Variants in CDH23 observed in about 807,000 individuals in gnomAD.
CDH23 encodes cadherin related 23.
CDH23 carries 189 observed loss-of-function variants against 317.1 expected under a neutral mutation model. That is an observed-to-expected ratio of 0.60 (90% CI 0.53 to 0.67). The LOEUF is 0.67. Ranked by LOEUF, CDH23 falls within the 30% of genes least tolerant of loss-of-function variation. The pLI, the probability that CDH23 is intolerant of heterozygous loss-of-function variation, is 0.00. For synonymous variants in CDH23, 1,839 were observed against 1,876.8 expected (o/e 0.98, Z 0.52); for missense variants, 4,401 against 4,592.4 (o/e 0.96, Z 1.20).
intron 14 of CDH23, among the ~76,000 whole-genome samples, chr10:71,657,920 T>TACACAC (rs34295420): frequency 1.3e-5 from 2 of 151,336 alleles, no homozygotes; most frequent in African/African-American, 4.9e-5. Flanking sequence ...GAGGGACACA[T>TACACAC]ACACACACAC....
At chr10:71,398,991 G>C (rs949046874) in intron 1 of CDH23, among the ~76,000 whole-genome samples, 2 of 152,176 alleles carry the variant, frequency 1.3e-5, no homozygotes, top group Non-Finnish European at 1.5e-5. Flanking sequence ...GGCTCCTCAC[G>C]TCTGCTTACC....
intron 6 of CDH23, among the ~76,000 whole-genome samples, chr10:71,517,859 G>A (rs75178539): frequency 0.012 from 1,853 of 152,248 alleles, 23 homozygotes; most frequent in Non-Finnish European, 0.017. Context: ...TATGGCCCTC[G>A]GCGACCACCC....
chr10:71,764,201 C>T lies in CDH23; in HGVS notation c.4846-13479C>T, dbSNP rs147382739. Among the ~76,000 whole-genome samples the T allele has an allele frequency of 1.4e-3, 207 of 152,244 alleles. 3 individuals are homozygous for T. The highest frequency in any genetic ancestry group is 4.7e-3 in the African/African-American group (197 of 41,538). ...AGGTAACGCAGGATCTAGGCAGAAC[C>T]GTAATAAGAAGACACAGCATGTGTT... On this transcript the variant is annotated intron_variant, in intron 38 of 69. Transcript: ENST00000224721.
chr10:71,625,396 T>TTAAAAA (rs1179590707), intron 11 of CDH23, among the ~76,000 whole-genome samples: 1 of 19,836 alleles, frequency 5.0e-5, no homozygotes, highest in East Asian at 1.0e-3. Flanking sequence ...CCAAATAAAT[T>TTAAAAA]AAAAAAAAAA....
intron 27 of CDH23, among the ~76,000 whole-genome samples, chr10:71,709,521 C>A (rs926211047): frequency 6.6e-6 from 1 of 152,200 alleles, no homozygotes; most frequent in Non-Finnish European, 1.5e-5. Flanking sequence ...GGCAGTGGTG[C>A]AAACACAGAG....
At chr10:71,545,981 G>A (rs994399795) in intron 6 of CDH23, among the ~76,000 whole-genome samples, 3 of 152,194 alleles carry the variant, frequency 2.0e-5, no homozygotes, top group Non-Finnish European at 4.4e-5. Context: ...CCAAACAGAA[G>A]TAAGACTGAA....
intron 18 of CDH23, among the ~76,000 whole-genome samples, chr10:71,685,278 A>G (rs955910455): frequency 6.6e-6 from 1 of 152,186 alleles, no homozygotes; most frequent in Admixed American, 6.5e-5. Context: ...TCAGGGGACA[A>G]CACTTTGAGG....
Position 71,732,351 on chromosome 10 carries a change from C to T in CDH23, c.4080C>T (p.Ala1360=), listed in dbSNP as rs372430411. The change falls in exon 32 of 70, where the codon GCC becomes GCT. Residue 1360 remains alanine, a synonymous_variant. Transcript: ENST00000224721. ...CCTACACCAGCACCCAGGCCAAAGC[C>T]CTCTTCAAGATAGACGCCATCACGG... ...FNAYTSTQAK[A]LFKIDAITGV... is the part of the protein sequence containing the mutation. 6.4e-7 allele frequency: 1 copy of T among 1,574,642 alleles called. No homozygotes were observed. Among genetic ancestry groups the T allele is most frequent in the African/African-American group, 1.4e-5 (1 of 73,960 alleles).
At chr10:71,664,610 A>G (rs186134491) in intron 14 of CDH23, among the ~76,000 whole-genome samples, 8 of 152,342 alleles carry the variant, frequency 5.3e-5, no homozygotes, top group Admixed American at 3.3e-4. Flanking sequence ...AAGTGGAAAT[A>G]ATAATACTAG....
At chr10:71,434,575 T>A (rs576972177) in intron 1 of CDH23, among the ~76,000 whole-genome samples, 1 of 152,280 alleles carries the variant, frequency 6.6e-6, no homozygotes, top group South Asian at 2.1e-4. Context: ...ATGCTGTCAC[T>A]GAACCACCTC....
chr10:71,715,833 G>T, intron 28 of CDH23: 1 of 1,199,294 alleles, frequency 8.3e-7, no homozygotes, highest in Non-Finnish European at 1.1e-6. Context: ...GTCCCAGACT[G>T]CTTGGGCCAC....
At chr10:71,784,667 C>T (rs1264049691) in intron 42 of CDH23, among the ~76,000 whole-genome samples, 1 of 152,232 alleles carries the variant, frequency 6.6e-6, no homozygotes, top group Admixed American at 6.5e-5. Context: ...CACTGCCCCT[C>T]CTCTGCCTCT....
intron 8 of CDH23, 33 bp downstream of exon 8, chr10:71,570,951 C>T (rs548239921): frequency 1.9e-6 from 3 of 1,611,096 alleles, no homozygotes; most frequent in African/African-American, 2.7e-5. Context: ...CTCAGAAGTC[C>T]CTTCTCAGAG....
intron 38 of CDH23, among the ~76,000 whole-genome samples, chr10:71,773,692 C>T (rs887949800): frequency 1.3e-5 from 2 of 152,204 alleles, no homozygotes; most frequent in Admixed American, 1.3e-4. Flanking sequence ...TGCGTCCCAG[C>T]GAGTCAGCTC....
At position 71,753,499 on chromosome 10, in the gene CDH23, C is replaced by T. The variant is rs549599319; in HGVS notation, c.4845+11578C>T. The stretch of plus-strand genomic sequence containing the variant: ...CTCCTGGTCCTCTCTGTCCTATCCC[C>T]TACATTGCCTAATAGGGTGGCATTC... On this transcript the variant is annotated intron_variant, in intron 38 of 69. Coordinates refer to ENST00000224721, the MANE Select transcript of CDH23 (RefSeq NM_022124.6). 9.2e-5 allele frequency among the ~76,000 whole-genome samples: 14 copies of T among 152,344 alleles called. No homozygotes were observed. In the Middle Eastern group the frequency reaches 0.01, roughly 111 times the overall value.
At chr10:71,402,983 G>A (rs1019142152) in intron 1 of CDH23, among the ~76,000 whole-genome samples, 2 of 152,100 alleles carry the variant, frequency 1.3e-5, no homozygotes, top group South Asian at 2.1e-4. Context: ...TTAGCCGAGC[G>A]TGGTGGCGGG....
intron 3 of CDH23, among the ~76,000 whole-genome samples, chr10:71,479,411 G>T (rs780361018): frequency 3.9e-5 from 6 of 152,244 alleles, no homozygotes; most frequent in Middle Eastern, 3.4e-3. Context: ...ACTGAATCCC[G>T]CAGGAAAGCA....
intron 6 of CDH23, among the ~76,000 whole-genome samples, chr10:71,528,455 T>C (rs1485564557): frequency 6.6e-6 from 1 of 152,226 alleles, no homozygotes; most frequent in Non-Finnish European, 1.5e-5. Context: ...GAGCAGTGAC[T>C]GTCAGGCAGG....
At chr10:71,781,874 C>T (rs1341573824) in intron 41 of CDH23, among the ~76,000 whole-genome samples, 1 of 152,172 alleles carries the variant, frequency 6.6e-6, no homozygotes, top group Non-Finnish European at 1.5e-5. Context: ...GTGAGGAAGG[C>T]CTGATGGTAC....
Sources: gnomAD v4.1 joint callset for allele counts (sites outside exome capture counted in the v4.1 genomes callset) on GRCh38, gnomAD v4.1.1 for gene constraint, MANE v1.5 for transcripts, NCBI Gene and HGNC (gene_info 2026-07-23, HGNC 2026-07-21) for gene names.